MAP3K5: variants seen among roughly 807,000 people sequenced by gnomAD.
MAP3K5 encodes the protein mitogen-activated protein kinase kinase kinase 5.
A neutral mutation model predicts 158.7 loss-of-function variants in MAP3K5; 56 were observed. That is an observed-to-expected ratio of 0.35 (90% CI 0.28 to 0.44). The LOEUF (loss-of-function observed/expected upper bound fraction) is 0.44. Among genes scored for constraint, MAP3K5 ranks in the 20% least tolerant of loss-of-function variants. The pLI is 1.00. For missense variants in MAP3K5, 1,294 were observed against 1,674.8 expected (o/e 0.77, Z 3.97); for synonymous variants, 579 against 601.7 (o/e 0.96, Z 0.55).
intron 18 of MAP3K5, among the ~76,000 whole-genome samples, chr6:136,610,597 T>TAAAAAAA (rs201221344): frequency 1.6e-5 from 1 of 64,358 alleles, no homozygotes. Flanking sequence ...AAATGTTTAA[T>TAAAAAAA]AAAAAAAAAA....
chr6:136,636,031 T>C (rs1777618041), intron 14 of MAP3K5, among the ~76,000 whole-genome samples: 1 of 152,216 alleles, frequency 6.6e-6, no homozygotes. Context: ...TGGTGAGCTA[T>C]AGATTCTTCA....
At chr6:136,728,258 G>C (rs1458117869) in intron 1 of MAP3K5, among the ~76,000 whole-genome samples, 1 of 152,142 alleles carries the variant, frequency 6.6e-6, no homozygotes, top group Non-Finnish European at 1.5e-5. Flanking sequence ...GTATCTGTTA[G>C]TTAAATATCT....
At chr6:136,587,283 A>G (rs1775181195) in intron 23 of MAP3K5, among the ~76,000 whole-genome samples, 1 of 152,226 alleles carries the variant, frequency 6.6e-6, no homozygotes, top group Non-Finnish European at 1.5e-5. Flanking sequence ...AATGGCAATA[A>G]TTACTTCTGA....
At chr6:136,684,378 C>G (rs1482779234) in intron 7 of MAP3K5, among the ~76,000 whole-genome samples, 1 of 152,026 alleles carries the variant, frequency 6.6e-6, no homozygotes, top group Non-Finnish European at 1.5e-5. Context: ...TGAGCAAATA[C>G]TGCATATAAC....
At chr6:136,691,338 C>T (rs1295050895) in intron 7 of MAP3K5, among the ~76,000 whole-genome samples, 6 of 152,202 alleles carry the variant, frequency 3.9e-5, no homozygotes, top group East Asian at 1.9e-4. Flanking sequence ...AGGCTGGGCA[C>T]GGTGGCTCAC....
At chr6:136,659,434 A>G (rs754527302) in intron 8 of MAP3K5, 56 bp from the exon 9 acceptor site, 76 of 1,499,674 alleles carry the variant, frequency 5.1e-5, no homozygotes, top group Non-Finnish European at 6.8e-5. Flanking sequence ...AGGTAGAACC[A>G]GGTTTTCACT....
chr6:136,757,676 C>T lies in MAP3K5; in HGVS notation c.448+34034G>A, dbSNP rs543051700. Among the ~76,000 whole-genome samples, 490 of 151,322 alleles carry T rather than the reference C, an allele frequency of 3.2e-3. 1 individual carries two copies. The highest frequency in any genetic ancestry group is 0.012 in the African/African-American group (479 of 41,172). On this transcript the variant is annotated intron_variant, in intron 1 of 29. Coordinates refer to ENST00000359015, the MANE Select transcript of MAP3K5 (RefSeq NM_005923.4). ...AATCTTGGCTCACTGCAACCTCCAC[C>T]TCCTGGTTCAAGCGATTCTCCTACC...
In MAP3K5 at chr6:136,614,195, C is replaced by T. The variant is rs748811001; in HGVS notation, c.2242G>A (p.Gly748Ser). Residue 748 changes from glycine to serine, a missense_variant, in exon 16 of 30, where the codon GGT becomes AGT. Gly to Ser is a moderately conservative substitution (Grantham distance 56). This residue lies in a region of MAP3K5 where 41 missense variants were observed against 98.2 expected (regional missense o/e 0.42). Transcript: ENST00000359015. ...TGCTCCATGAAGATTTTAATGAAACCATTCTCACTGAAAGAGCCCAGATAC... is the reference window on the plus strand; with the variant it reads ...TGCTCCATGAAGATTTTAATGAAACTATTCTCACTGAAAGAGCCCAGATAC... ...VQYLGSFSEN[G>S]FIKIFMEQVP... The T allele has an allele frequency of 6.2e-7, 1 of 1,613,756 alleles. No homozygotes were observed.
chr6:136,730,301 C>CT (rs78963095), intron 1 of MAP3K5, among the ~76,000 whole-genome samples: 1,748 of 144,878 alleles, frequency 0.012, 16 homozygotes, highest in East Asian at 0.032. Context: ...ACTGGCCAAA[C>CT]TTTTTTTTTT....
At chr6:136,703,331 C>T (rs769691259) in intron 3 of MAP3K5, among the ~76,000 whole-genome samples, 4 of 152,220 alleles carry the variant, frequency 2.6e-5, no homozygotes, top group Admixed American at 1.3e-4. Flanking sequence ...TCTGCCATTC[C>T]GGTCTCAGGG....
intron 1 of MAP3K5, among the ~76,000 whole-genome samples, chr6:136,737,031 G>A (rs374577241): frequency 4.4e-5 from 3 of 67,466 alleles, no homozygotes; most frequent in African/African-American, 1.5e-4. Context: ...ATATATATAT[G>A]TGTGTGTATA....
intron 1 of MAP3K5, among the ~76,000 whole-genome samples, chr6:136,783,789 T>C (rs1025417724): frequency 6.6e-6 from 1 of 152,218 alleles, no homozygotes; most frequent in Admixed American, 6.5e-5. Context: ...GGTTCTCTAC[T>C]TTCCTGGCTT....
chr6:136,564,990 C>T (rs962497562), intron 26 of MAP3K5, among the ~76,000 whole-genome samples: 5 of 152,296 alleles, frequency 3.3e-5, no homozygotes, highest in African/African-American at 1.2e-4. Flanking sequence ...GTTCTGGCCA[C>T]GAGGCATCCC....
intron 10 of MAP3K5, among the ~76,000 whole-genome samples, chr6:136,654,123 A>T (rs1446829531): frequency 1.3e-5 from 2 of 152,254 alleles, no homozygotes; most frequent in Non-Finnish European, 2.9e-5. Context: ...AAGTGTTAAC[A>T]TGCTGTCATA....
At chr6:136,741,701 C>T (rs1782715345) in intron 1 of MAP3K5, among the ~76,000 whole-genome samples, 2 of 152,106 alleles carry the variant, frequency 1.3e-5, no homozygotes. Flanking sequence ...TAAAACTTGT[C>T]TTTGTTCACA....
chr6:136,592,195 T>C lies in MAP3K5; in HGVS notation c.3203A>G (p.Asn1068Ser). 1 of 1,596,818 alleles carries C rather than the reference T, an allele frequency of 6.3e-7. No individual in the cohort carries two copies. Among genetic ancestry groups the C allele is most frequent in the Non-Finnish European group, 8.5e-7 (1 of 1,172,818 alleles). ...LTEDQDKIVR[N>S]LMESLAQGAE... is the part of the protein sequence containing the mutation. Reference sequence around the variant, plus strand: ...TACCTGAGCTAAAGATTCCATTAGGTTTCTCACAATTTTGTCTTGGTCTTC... The same window carrying C: ...TACCTGAGCTAAAGATTCCATTAGGCTTCTCACAATTTTGTCTTGGTCTTC... The change falls in exon 23 of 30, where the codon AAC (asparagine) becomes AGC (serine). Residue 1068 changes from asparagine to serine, a missense_variant. Physicochemically the swap from Asn to Ser is conservative, Grantham distance 46. Around this residue, in one of 5 missense-constraint regions of MAP3K5, gnomAD observed 362 missense variants for 463.2 expected, o/e 0.78. Coordinates refer to ENST00000359015, the MANE Select transcript of MAP3K5 (RefSeq NM_005923.4).
intron 7 of MAP3K5, among the ~76,000 whole-genome samples, chr6:136,681,357 T>C (rs932119456): frequency 2.6e-5 from 4 of 152,146 alleles, no homozygotes; most frequent in African/African-American, 4.8e-5. Context: ...ATTCTGGCCA[T>C]GTGCAATGGT....
chr6:136,626,777 A>AG (rs72088687), intron 14 of MAP3K5, among the ~76,000 whole-genome samples: 6,226 of 151,978 alleles, frequency 0.041, 428 homozygotes, highest in African/African-American at 0.14. Context: ...ATAATCTTAA[A>AG]GGAAAAAAAA....
chr6:136,558,801 T>C lies in MAP3K5; in HGVS notation c.4063A>G (p.Arg1355Gly). ...TRDDLKCLRL[R>G]GGMLCTLWKA... ...TGACAACAGAAAGAAAAGTGGTACC[T>C]TAGTCTCAAGCATTTTAAGTCATCA... Residue 1355 changes from arginine (R) to glycine (G), a missense_variant and splice_region_variant, in exon 29 of 30, where the codon AGG becomes GGG. By Grantham distance (125) the Arg-to-Gly change is moderately radical. Around this residue, in one of 5 missense-constraint regions of MAP3K5, gnomAD observed 199 missense variants for 220.3 expected, o/e 0.90. Coordinates refer to ENST00000359015, the MANE Select transcript of MAP3K5 (RefSeq NM_005923.4). 6.3e-7 allele frequency: 1 copy of C among 1,578,740 alleles called. No homozygotes were observed. The highest frequency in any genetic ancestry group is 8.7e-7 in the Non-Finnish European group (1 of 1,148,656).
Sources: gnomAD v4.1 joint callset for allele counts (sites outside exome capture counted in the v4.1 genomes callset) on GRCh38, gnomAD v4.1.1 for gene constraint, gnomAD v4.1.1 regional missense constraint, MANE v1.5 for transcripts, NCBI Gene and HGNC (gene_info 2026-07-23, HGNC 2026-07-21) for gene names.